Variants in GALK2 observed in about 807,000 individuals in gnomAD.
The protein encoded by GALK2 is N-acetylgalactosamine kinase.
In GALK2, 36 loss-of-function variants were observed where a neutral mutation model predicts 52.4. The ratio of observed to expected loss-of-function variants is 0.69; its 90% CI spans 0.53 to 0.91. The LOEUF (loss-of-function observed/expected upper bound fraction) is 0.91. GALK2 is among the 40% of genes least tolerant of loss of function. GALK2 has a pLI of 0.00. For synonymous variants in GALK2, 176 were observed against 199.1 expected (o/e 0.88, Z 0.98); for missense variants, 579 against 559.1 (o/e 1.04, Z -0.36).
At chr15:49,290,810 G>A (rs977640854) in intron 7 of GALK2, among the ~76,000 whole-genome samples, 6 of 152,132 alleles carry the variant, frequency 3.9e-5, no homozygotes, top group African/African-American at 1.4e-4. Flanking sequence ...AGACTTGATC[G>A]GTGATTTTAA....
intron 1 of GALK2, chr15:49,178,263 TA>T (rs1308316341): frequency 2.3e-5 from 3 of 130,868 alleles, no homozygotes; most frequent in Admixed American, 7.9e-5. Flanking sequence ...TATGTATAAA[TA>T]AAAATATATG....
intron 5 of GALK2, among the ~76,000 whole-genome samples, chr15:49,246,526 CA>C (rs1483736921): frequency 6.6e-6 from 1 of 152,040 alleles, no homozygotes; most frequent in Non-Finnish European, 1.5e-5. Context: ...AGAGAAAACC[CA>C]TATTATCTTG....
intron 3 of GALK2, among the ~76,000 whole-genome samples, chr15:49,229,322 G>T (rs921793135): frequency 6.6e-6 from 1 of 152,164 alleles, no homozygotes; most frequent in Non-Finnish European, 1.5e-5. Flanking sequence ...CAGTGAGCTG[G>T]GTGAGTGGCT....
chr15:49,241,779 A>T (rs1259731597), intron 5 of GALK2, among the ~76,000 whole-genome samples: 2 of 152,208 alleles, frequency 1.3e-5, no homozygotes, highest in Non-Finnish European at 1.5e-5. Flanking sequence ...TGGTGTTTTG[A>T]TAATATACCT....
At chr15:49,253,882 T>C (rs1023688758) in intron 5 of GALK2, among the ~76,000 whole-genome samples, 5 of 144,032 alleles carry the variant, frequency 3.5e-5, no homozygotes, top group Non-Finnish European at 1.6e-5. Flanking sequence ...TACACAAAAC[T>C]GTTGAGGGGC....
intron 1 of GALK2, among the ~76,000 whole-genome samples, chr15:49,159,740 C>A (rs532925654): frequency 6.6e-6 from 1 of 151,994 alleles, no homozygotes; most frequent in Non-Finnish European, 1.5e-5. Flanking sequence ...AAATGTTTTT[C>A]CCTAACAGTC....
chr15:49,221,581 T>A (rs2089793643), intron 3 of GALK2, among the ~76,000 whole-genome samples: 1 of 151,858 alleles, frequency 6.6e-6, no homozygotes, highest in South Asian at 2.1e-4. Context: ...GCAGGAGAAT[T>A]GCTTGAGCCC....
At chr15:49,296,093 T>C (rs2034452856) in intron 8 of GALK2, among the ~76,000 whole-genome samples, 1 of 152,210 alleles carries the variant, frequency 6.6e-6, no homozygotes, top group African/African-American at 2.4e-5. Context: ...TTCATCTTAT[T>C]TCTTTTTTTC....
downstream of GALK2, among the ~76,000 whole-genome samples, chr15:49,334,651 G>A (rs1008689180): frequency 1.3e-5 from 2 of 152,136 alleles, no homozygotes; most frequent in African/African-American, 2.4e-5. Context: ...GACGGGAATG[G>A]GGACCCTTGG....
At chr15:49,211,217 C>T (rs913573345) in intron 2 of GALK2, among the ~76,000 whole-genome samples, 4 of 152,196 alleles carry the variant, frequency 2.6e-5, no homozygotes, top group Admixed American at 2.0e-4. Context: ...CAAAGTTCCA[C>T]AGGTCCCCAG....
intron 1 of GALK2, among the ~76,000 whole-genome samples, chr15:49,184,610 T>C (rs2086216926): frequency 6.6e-6 from 1 of 152,226 alleles, no homozygotes; most frequent in African/African-American, 2.4e-5. Flanking sequence ...TTTCTAGCTT[T>C]TTATTTTTTG....
Position 49,170,351 on chromosome 15 carries a change from G to A in GALK2, c.29G>A (p.Arg10Gln), listed in dbSNP as rs949912750. ...GCTACAGAGAGCCCTGCTACGCGTC[G>A]GGTCCAGGTGGCAGAACATCCTAGG... MATESPATR[R>Q]VQVAEHPRLL... The change falls in exon 1 of 10, where the codon CGG becomes CAG. Residue 10 changes from arginine to glutamine, a missense_variant. Coordinates refer to ENST00000560031, the MANE Select transcript of GALK2 (RefSeq NM_002044.4). The A allele has an allele frequency of 1.3e-6, 2 of 1,592,476 alleles. No individual in the cohort carries two copies. The highest frequency in any genetic ancestry group is 1.3e-5 in the African/African-American group (1 of 74,740).
intron 5 of GALK2, among the ~76,000 whole-genome samples, chr15:49,266,018 G>T (rs2092348153): frequency 6.6e-6 from 1 of 152,196 alleles, no homozygotes; most frequent in Non-Finnish European, 1.5e-5. Context: ...ACTGGGTTCA[G>T]CTTGACAGTA....
At chr15:49,260,302 G>T (rs2092037825) in intron 5 of GALK2, among the ~76,000 whole-genome samples, 1 of 152,110 alleles carries the variant, frequency 6.6e-6, no homozygotes, top group South Asian at 2.1e-4. Flanking sequence ...ATCTCATTGT[G>T]GTTTTGATTT....
intron 3 of GALK2, among the ~76,000 whole-genome samples, chr15:49,359,372 A>T (rs201982824): frequency 9.7e-6 from 1 of 103,596 alleles, no homozygotes; most frequent in Non-Finnish European, 2.1e-5. Context: ...AATCTACAAT[A>T]AACTCAAACA....
chr15:49,195,974 T>TA (rs905263775), intron 1 of GALK2, among the ~76,000 whole-genome samples: 2 of 151,786 alleles, frequency 1.3e-5, no homozygotes, highest in African/African-American at 2.4e-5. Flanking sequence ...ATTTCTTATT[T>TA]AAAAAAAAGT....
At chr15:49,202,689 C>T (rs1413146669) in intron 2 of GALK2, among the ~76,000 whole-genome samples, 1 of 152,166 alleles carries the variant, frequency 6.6e-6, no homozygotes, top group African/African-American at 2.4e-5. Context: ...CTTTGACATA[C>T]TGATGTCCTT....
rs113725981 is a variant in GALK2 at position 49,292,211 on chromosome 15, T to C, written c.757-116T>C. ...AGTAATGGTGGGAAAGTTGGATAGGTTGAAAGGAAAACAACAACAAAACAA... is the reference window on the plus strand; with the variant it reads ...AGTAATGGTGGGAAAGTTGGATAGGCTGAAAGGAAAACAACAACAAAACAA... On this transcript the variant is annotated intron_variant, in intron 7 of 9. Coordinates refer to ENST00000560031, the MANE Select transcript of GALK2 (RefSeq NM_002044.4). The C allele has an allele frequency of 1.5e-4, 132 of 890,684 alleles. 1 individual carries two copies. In the African/African-American group the frequency reaches 1.9e-3, roughly 13 times the overall value. 55.2% of individuals were successfully genotyped at this position (890,684 alleles called of 1,614,324 possible).
At chr15:49,216,108 T>C (rs763552270) in intron 2 of GALK2, among the ~76,000 whole-genome samples, 1 of 152,212 alleles carries the variant, frequency 6.6e-6, no homozygotes, top group South Asian at 2.1e-4. Context: ...AGAAGTAGTC[T>C]GTCTCCATAC....
Sources: gnomAD v4.1 joint callset for allele counts (sites outside exome capture counted in the v4.1 genomes callset) on GRCh38, gnomAD v4.1.1 for gene constraint, MANE v1.5 for transcripts, NCBI Gene and HGNC (gene_info 2026-07-23, HGNC 2026-07-21) for gene names.